Variants in MPV17 observed in about 807,000 individuals in gnomAD.
The protein encoded by MPV17 is mitochondrial inner membrane protein MPV17.
Under a neutral mutation model 28.6 loss-of-function variants are expected in MPV17, and 31 were observed. The observed-to-expected ratio is 1.08, with a 90% CI of 0.81 to 1.46. The LOEUF (loss-of-function observed/expected upper bound fraction) is 1.46, where lower values mean the gene tolerates loss of function less well. Ranked by LOEUF, MPV17 falls within the 40% of genes most tolerant of loss-of-function variation. The probability of loss-of-function intolerance (pLI) is 0.00; values close to 1 mark genes in which losing one functional copy is unlikely to be tolerated. For synonymous variants in MPV17, 87 were observed against 85.3 expected (o/e 1.02, Z -0.11); for missense variants, 198 against 216.2 (o/e 0.92, Z 0.53).
At chr2:27,313,480 T>C in intron 2 of MPV17, 1 of 503,008 alleles carries the variant, frequency 2.0e-6, no homozygotes. Context: ...GCAAACCACT[T>C]ATTTTAGAGG....
At chr2:27,314,167 A>AT (rs953216749) in intron 2 of MPV17, among the ~76,000 whole-genome samples, 2 of 152,030 alleles carry the variant, frequency 1.3e-5, no homozygotes, top group Non-Finnish European at 1.5e-5. Context: ...TCTACAAAAA[A>AT]TTTTTTTAAA....
intron 7 of MPV17, among the ~76,000 whole-genome samples, chr2:27,310,884 AC>A (rs1483367940): frequency 6.6e-6 from 1 of 151,918 alleles, no homozygotes; most frequent in Non-Finnish European, 1.5e-5. Flanking sequence ...AGCTGGGACT[AC>A]AGGCACCTGC....
chr2:27,321,008 G>C (rs1215800615), intron 2 of MPV17, among the ~76,000 whole-genome samples: 1 of 152,214 alleles, frequency 6.6e-6, no homozygotes. Context: ...TGAGGCTGTG[G>C]AGCTGAAGGG....
At chr2:27,319,708 T>C (rs1490632927) in intron 2 of MPV17, among the ~76,000 whole-genome samples, 2 of 151,112 alleles carry the variant, frequency 1.3e-5, no homozygotes, top group East Asian at 4.0e-4. Context: ...GCGGATCACT[T>C]GAGGTCAGGA....
In MPV17 at chr2:27,312,532, C is replaced by T. The variant is rs757495960; in HGVS notation, c.337G>A (p.Gly113Arg). 1 of 1,614,184 alleles carries T rather than the reference C, an allele frequency of 6.2e-7. No individual in the cohort carries two copies. Among genetic ancestry groups the T allele is most frequent in the South Asian group, 1.1e-5 (1 of 91,086 alleles). ...CFLPLVGALN[G>R]LSAQDNWAKL... ...GCCCAGTTGTCCTGGGCTGACAGTCCATTAAGTGCCCCTACCAGTGGGAGA... is the reference window on the plus strand; with the variant it reads ...GCCCAGTTGTCCTGGGCTGACAGTCTATTAAGTGCCCCTACCAGTGGGAGA... The change falls in exon 5 of 8, where the codon GGA becomes AGA. Residue 113 changes from glycine (G) to arginine (R), a missense_variant. Physicochemically the swap from Gly to Arg is moderately radical, Grantham distance 125. Coordinates refer to ENST00000380044, the MANE Select transcript of MPV17 (RefSeq NM_002437.5).
chr2:27,314,097 G>A (rs1679559130), intron 2 of MPV17, among the ~76,000 whole-genome samples: 1 of 152,198 alleles, frequency 6.6e-6, no homozygotes, highest in African/African-American at 2.4e-5. Context: ...GGCTGAGGCA[G>A]GAGGATTGCT....
chr2:27,312,126 T>A lies in MPV17; in HGVS notation c.408+88A>T. The A allele has an allele frequency of 1.1e-5, 16 of 1,507,458 alleles. No individual in the cohort carries two copies. The South Asian group carries it at 1.8e-4, about 17-fold the overall frequency. The allele number at this position is 1,507,458 out of a possible 1,614,324, so 93.4% of individuals were successfully genotyped here. On this transcript the variant is annotated intron_variant, in intron 6 of 7. Coordinates refer to ENST00000380044, the MANE Select transcript of MPV17 (RefSeq NM_002437.5). Reference sequence around the variant, plus strand: ...TGAAAGAGTAATCCCAACGGAAGGGTTTCCCATGTCAGGAGGACCCCCCAA... The same window carrying A: ...TGAAAGAGTAATCCCAACGGAAGGGATTCCCATGTCAGGAGGACCCCCCAA...
At chr2:27,320,504 T>C (rs1558604788) in intron 2 of MPV17, among the ~76,000 whole-genome samples, 1 of 151,872 alleles carries the variant, frequency 6.6e-6, no homozygotes, top group Non-Finnish European at 1.5e-5. Context: ...ACCCGGCTAA[T>C]TTTGTATTTT....
At position 27,317,335 on chromosome 2, in the gene MPV17, T is replaced by C. The variant is rs566566823; in HGVS notation, c.71-4226A>G. 2.8e-4 allele frequency: 287 copies of C among 1,007,204 alleles called. No individual in the cohort carries two copies. The highest frequency in any genetic ancestry group is 3.9e-4 in the Non-Finnish European group (278 of 715,820). 62.4% of individuals were successfully genotyped at this position (1,007,204 alleles called of 1,614,324 possible). On this transcript the variant is annotated intron_variant, in intron 2 of 7. Coordinates refer to ENST00000380044, the MANE Select transcript of MPV17 (RefSeq NM_002437.5). This position sits in a 1 kb window ranked among gnomAD's most constrained non-coding sequence, Gnocchi z 4.0. ...CGGGAGGGGAGTGGATCCTCTGGGA[T>C]TATTCTGAATGCTCTCCCATTTCTG...
chr2:27,311,864 T>C (rs1182122797), intron 7 of MPV17, 35 bp downstream of exon 7: 13 of 1,611,238 alleles, frequency 8.1e-6, no homozygotes, highest in Non-Finnish European at 1.1e-5. Context: ...GTAACGTGGG[T>C]CTTCCTTGAT....
chr2:27,319,535 AAATAAT>A (rs560509565), intron 2 of MPV17, among the ~76,000 whole-genome samples: 78 of 145,964 alleles, frequency 5.3e-4, no homozygotes, highest in African/African-American at 1.9e-3. Flanking sequence ...ACCCCGTCTC[AAATAAT>A]AATAATAATA....
intron 3 of MPV17, 94 bp from the exon 4 acceptor site, chr2:27,312,866 A>C: frequency 1.3e-6 from 2 of 1,528,070 alleles, no homozygotes; most frequent in Non-Finnish European, 1.8e-6. Context: ...AGAATAGGGG[A>C]AGTGGACACT....
At chr2:27,316,004 A>G (rs2148219249) in intron 2 of MPV17, 1 of 1,539,654 alleles carries the variant, frequency 6.5e-7, no homozygotes, top group South Asian at 1.2e-5. Flanking sequence ...CTCAGAGGTC[A>G]GTGGCACCAG....
At position 27,317,710 on chromosome 2, in the gene MPV17, C is replaced by T. The variant is rs997052696; in HGVS notation, c.71-4601G>A. 1.3e-5 allele frequency among the ~76,000 whole-genome samples: 2 copies of T among 152,134 alleles called. No homozygotes were observed. Among genetic ancestry groups the T allele is most frequent in the Non-Finnish European group, 2.9e-5 (2 of 68,022 alleles). ...AGCTCAGCTGCTCCCACAGCAGGAC[C>T]GAGTAGACTAAGATGGATGAAGCTC... On this transcript the variant is annotated intron_variant, in intron 2 of 7. Transcript: ENST00000380044. This position sits in a 1 kb window ranked among gnomAD's most constrained non-coding sequence, Gnocchi z 4.0.
rs778622203 is a variant in MPV17, at chr2:27,315,217, C to T, written c.71-2108G>A. 5.3e-4 allele frequency among the ~76,000 whole-genome samples: 81 copies of T among 152,224 alleles called. 1 individual carries two copies. The highest frequency in any genetic ancestry group is 6.9e-4 in the Non-Finnish European group (47 of 68,042). Reference sequence around the variant, plus strand: ...AAATGTACTGTCCCAAACAGCAGGACGACTCTGAGAAAGGGTCTGAAGAAT... The same window carrying T: ...AAATGTACTGTCCCAAACAGCAGGATGACTCTGAGAAAGGGTCTGAAGAAT... On this transcript the variant is annotated intron_variant, in intron 2 of 7. Transcript: ENST00000380044.
rs545061295 is a variant in MPV17, at chr2:27,315,817, C to A, written c.71-2708G>T. ...CCCCAGGTGATCCACCTGCCTTGGC[C>A]GCCCAAAGTGTTGGGATTATAGGTG... On this transcript the variant is annotated intron_variant, in intron 2 of 7. Transcript: ENST00000380044. 24 of 1,052,362 alleles carry A rather than the reference C, an allele frequency of 2.3e-5. No individual in the cohort carries two copies. In the Middle Eastern group the frequency reaches 3.1e-3, roughly 135 times the overall value. 65.2% of individuals were successfully genotyped at this position (1,052,362 alleles called of 1,614,324 possible).
At chr2:27,316,909 C>A in intron 2 of MPV17, 1 of 598,504 alleles carries the variant, frequency 1.7e-6, no homozygotes, top group African/African-American at 1.9e-5. Context: ...GTTCTCATGC[C>A]GTCACTCCCG....
chr2:27,312,269 A>G (rs1679476095), intron 5 of MPV17, 23 bp from the exon 6 acceptor site: 2 of 1,613,816 alleles, frequency 1.2e-6, no homozygotes, highest in Non-Finnish European at 1.7e-6. Context: ...AGAAGGAACA[A>G]ATTAACACTT....
chr2:27,314,601 G>C (rs180746149), intron 2 of MPV17, among the ~76,000 whole-genome samples: 9 of 152,266 alleles, frequency 5.9e-5, no homozygotes, highest in Admixed American at 2.6e-4. Flanking sequence ...CAGAAACGAT[G>C]AAAGAAATCA....
Sources: allele counts gnomAD v4.1 joint callset (sites outside exome capture counted in the v4.1 genomes callset), GRCh38; gene constraint gnomAD v4.1.1; non-coding constraint Gnocchi (gnomAD v3.1); transcripts MANE v1.5; gene names NCBI Gene and HGNC (gene_info 2026-07-23, HGNC 2026-07-21).